Variants in CAPN8 observed in about 807,000 individuals in gnomAD.
CAPN8 encodes calpain-8.
CAPN8 carries 87 observed loss-of-function variants against 80.9 expected under a neutral mutation model. The ratio of observed to expected loss-of-function variants is 1.07; its 90% CI spans 0.90 to 1.28. The LOEUF (loss-of-function observed/expected upper bound fraction) is 1.28, where lower values mean the gene tolerates loss of function less well. Among genes scored for constraint, CAPN8 ranks in the 50% most tolerant of loss-of-function variants. The pLI is 0.00. For missense variants in CAPN8, 757 were observed against 702.0 expected (o/e 1.08, Z -0.89); for synonymous variants, 299 against 273.8 (o/e 1.09, Z -0.91).
chr1:223,638,806 C>T (rs1022848344), intron 2 of CAPN8, among the ~76,000 whole-genome samples: 6 of 152,214 alleles, frequency 3.9e-5, no homozygotes, highest in South Asian at 2.1e-4. Context: ...CCATTCACCC[C>T]GTTACCACCT....
At chr1:223,638,902 A>G (rs1657977116) in intron 2 of CAPN8, among the ~76,000 whole-genome samples, 1 of 152,236 alleles carries the variant, frequency 6.6e-6, no homozygotes. Flanking sequence ...GACCTTGCAC[A>G]TCTGGAAGTT....
At chr1:223,646,261 T>C (rs1182289386) in intron 2 of CAPN8, among the ~76,000 whole-genome samples, 2 of 152,256 alleles carry the variant, frequency 1.3e-5, no homozygotes, top group Non-Finnish European at 2.9e-5. Flanking sequence ...TCACCTGTCC[T>C]TTCTCTCGTG....
intron 15 of CAPN8, among the ~76,000 whole-genome samples, chr1:223,550,726 G>C (rs540156600): frequency 6.6e-6 from 1 of 151,930 alleles, no homozygotes; most frequent in Non-Finnish European, 1.5e-5. Context: ...GTTCCTTCAG[G>C]TGCTGGCTGC....
At position 223,627,085 on chromosome 1, in the gene CAPN8, G is replaced by T; in HGVS notation, c.633C>A (p.Ile211=). 1.9e-6 allele frequency: 3 copies of T among 1,552,242 alleles called. No homozygotes were observed. The highest frequency in any genetic ancestry group is 1.7e-6 in the Non-Finnish European group (2 of 1,147,112). Reference sequence around the variant, plus strand: ...GTTTCTTCAGGTCATAAAACTCAGAGATGCCACCTGTGAAATCCTCAAACC... The same window carrying T: ...GTTTCTTCAGGTCATAAAACTCAGATATGCCACCTGTGAAATCCTCAAACC... The part of the protein sequence containing the change: ...VEGFEDFTGG[I]SEFYDLKKPP... Residue 211 remains isoleucine (I), a synonymous_variant, in exon 5 of 21, where the codon ATC becomes ATA. Transcript: ENST00000366872.
intron 1 of CAPN8, among the ~76,000 whole-genome samples, chr1:223,655,243 A>G (rs1385399728): frequency 6.6e-6 from 1 of 152,214 alleles, no homozygotes; most frequent in Non-Finnish European, 1.5e-5. Context: ...TGATGGACAC[A>G]CTGAAGTGTC....
chr1:223,629,601 C>T (rs980498389), intron 2 of CAPN8, among the ~76,000 whole-genome samples: 2 of 152,160 alleles, frequency 1.3e-5, no homozygotes, highest in African/African-American at 4.8e-5. Flanking sequence ...AGCACGGGCC[C>T]CAGGCACCAC....
intron 7 of CAPN8, among the ~76,000 whole-genome samples, chr1:223,620,555 C>T (rs1007726944): frequency 6.6e-6 from 1 of 152,138 alleles, no homozygotes. Flanking sequence ...GCAAATTTGA[C>T]ATTTCTAATT....
chr1:223,621,134 C>T (rs34417838), intron 7 of CAPN8, among the ~76,000 whole-genome samples: 2 of 152,000 alleles, frequency 1.3e-5, no homozygotes, highest in Non-Finnish European at 2.9e-5. Flanking sequence ...TTCATTGAAA[C>T]ATTAATTTGA....
intron 16 of CAPN8, 123 bp downstream of exon 16, chr1:223,549,195 A>C: frequency 1.6e-6 from 2 of 1,262,870 alleles, no homozygotes; most frequent in Non-Finnish European, 2.2e-6. Flanking sequence ...CATATGCTCC[A>C]TGCCTGCTCT....
chr1:223,649,460 T>A (rs550839393), intron 2 of CAPN8, among the ~76,000 whole-genome samples: 62 of 152,352 alleles, frequency 4.1e-4, no homozygotes, highest in African/African-American at 1.4e-3. Context: ...GTCTCCTTCA[T>A]GACCTGCTTC....
chr1:223,618,282 C>G, intron 9 of CAPN8: 3 of 1,550,588 alleles, frequency 1.9e-6, no homozygotes, highest in Non-Finnish European at 2.6e-6. Flanking sequence ...TAGGAGGAGC[C>G]TACACAGGGA....
At chr1:223,617,368 A>G (rs566830953) in intron 9 of CAPN8, 2 of 146,754 alleles carry the variant, frequency 1.4e-5, no homozygotes, top group South Asian at 4.4e-4. Context: ...AAGTTTATGG[A>G]TTTTAAAGCC....
In CAPN8 at chr1:223,654,359, G is replaced by A. The variant is rs982161184; in HGVS notation, c.278C>T (p.Thr93Met). ...ACCACCCTGACAAATGTCTGTGCGC[G>A]TGGCTCCACCAACGATAAACTGAGG... The part of the protein sequence containing the change: ...PSPQFIVGGA[T>M]RTDICQGGLG... The change falls in exon 2 of 21, where the codon ACG becomes ATG. Residue 93 changes from threonine to methionine, a missense_variant. Transcript: ENST00000366872. 6.4e-6 allele frequency: 10 copies of A among 1,551,540 alleles called. No individual in the cohort carries two copies. The highest frequency in any genetic ancestry group is 2.4e-5 in the South Asian group (2 of 84,056).
chr1:223,615,999 T>C lies in CAPN8; in HGVS notation c.1282A>G (p.Met428Val). The C allele has an allele frequency of 1.9e-6, 3 of 1,552,280 alleles. No individual in the cohort carries two copies. The highest frequency in any genetic ancestry group is 2.6e-6 in the Non-Finnish European group (3 of 1,147,126). Residue 428 changes from methionine (M) to valine (V), a missense_variant, in exon 10 of 21, where the codon ATG (methionine) becomes GTG (valine). Transcript: ENST00000366872. ...TAGACGGCATAGCCGATGCTAAGCA[T>C]GCCTTGTCCTATCCGCTTCCGCCAC... Reference protein sequence around the residue: ...RRWRKRIGQGMLSIGYAVYQV... With the variant: ...RRWRKRIGQGVLSIGYAVYQV...
chr1:223,641,966 A>G (rs1658054273), intron 2 of CAPN8, among the ~76,000 whole-genome samples: 1 of 152,204 alleles, frequency 6.6e-6, no homozygotes, highest in African/African-American at 2.4e-5. Context: ...CGGTACTTCA[A>G]TCCACCACCA....
At chr1:223,651,681 A>T (rs917044409) in intron 2 of CAPN8, among the ~76,000 whole-genome samples, 1 of 152,254 alleles carries the variant, frequency 6.6e-6, no homozygotes, top group Non-Finnish European at 1.5e-5. Context: ...ATAAGAGTGC[A>T]AGAGAAAATA....
At chr1:223,610,682 C>T (rs186521542) in intron 11 of CAPN8, among the ~76,000 whole-genome samples, 6 of 152,218 alleles carry the variant, frequency 3.9e-5, no homozygotes, top group Non-Finnish European at 7.4e-5. Flanking sequence ...AGAGTGGGAA[C>T]TGGAGGACAC....
intron 3 of CAPN8, 52 bp from the exon 4 acceptor site, chr1:223,628,194 G>C: frequency 6.7e-7 from 1 of 1,500,028 alleles, no homozygotes; most frequent in Non-Finnish European, 8.9e-7. Context: ...GATGTGTAAA[G>C]GGAGTCCCTC....
chr1:223,664,050 T>A (rs2102743371), intron 1 of CAPN8, among the ~76,000 whole-genome samples: 1 of 152,316 alleles, frequency 6.6e-6, no homozygotes, highest in East Asian at 1.9e-4. Context: ...ATGGATGAGC[T>A]CAATTCTCAC....
Sources: gnomAD v4.1 joint callset for allele counts (sites outside exome capture counted in the v4.1 genomes callset) on GRCh38, gnomAD v4.1.1 for gene constraint, MANE v1.5 for transcripts, NCBI Gene and HGNC (gene_info 2026-07-23, HGNC 2026-07-21) for gene names.